Variants in PDGFC observed in about 807,000 individuals in gnomAD.
PDGFC encodes the protein platelet-derived growth factor C.
PDGFC carries 12 observed loss-of-function variants against 35.5 expected under a neutral mutation model. The ratio of observed to expected loss-of-function variants is 0.34; its 90% CI spans 0.22 to 0.55. The LOEUF is 0.55. Ranked by LOEUF, PDGFC falls within the 20% of genes least tolerant of loss-of-function variation. The pLI is 0.91. For missense variants in PDGFC, 322 were observed against 412.4 expected (o/e 0.78, Z 1.90); for synonymous variants, 159 against 148.8 (o/e 1.07, Z -0.50).
At chr4:156,815,943 G>C (rs889690563) in intron 2 of PDGFC, among the ~76,000 whole-genome samples, 1 of 152,114 alleles carries the variant, frequency 6.6e-6, no homozygotes, top group Non-Finnish European at 1.5e-5. Flanking sequence ...GACCTGTGGA[G>C]GATTTACGTT....
chr4:156,944,475 GAAAAAT>G (rs1239710592), intron 1 of PDGFC, among the ~76,000 whole-genome samples: 1 of 152,040 alleles, frequency 6.6e-6, no homozygotes, highest in Non-Finnish European at 1.5e-5. Context: ...GATTAAAAAT[GAAAAAT>G]AAAATCCATC....
At chr4:156,950,464 A>G (rs1249451426) in intron 1 of PDGFC, among the ~76,000 whole-genome samples, 2 of 151,840 alleles carry the variant, frequency 1.3e-5, no homozygotes, top group Non-Finnish European at 2.9e-5. Context: ...CTCCTCCACA[A>G]TTTATCACCA....
intron 2 of PDGFC, among the ~76,000 whole-genome samples, chr4:156,840,278 G>T (rs1437364475): frequency 6.6e-6 from 1 of 152,192 alleles, no homozygotes; most frequent in Non-Finnish European, 1.5e-5. Context: ...TAGGGACTTA[G>T]TGCCCTGAAT....
At chr4:156,887,518 C>T (rs1229050710) in intron 1 of PDGFC, among the ~76,000 whole-genome samples, 4 of 151,918 alleles carry the variant, frequency 2.6e-5, no homozygotes, top group African/African-American at 4.8e-5. Context: ...CAAAAGTAAT[C>T]GTATCATTCC....
intron 3 of PDGFC, chr4:156,779,298 A>ATGCT (rs1730916800): frequency 7.0e-6 from 3 of 429,374 alleles, no homozygotes; most frequent in Non-Finnish European, 4.7e-6. Flanking sequence ...TGAAAAGCAA[A>ATGCT]TGCTTGCATT....
intron 1 of PDGFC, among the ~76,000 whole-genome samples, chr4:156,950,777 G>A (rs1322562454): frequency 6.6e-6 from 1 of 151,506 alleles, no homozygotes; most frequent in Non-Finnish European, 1.5e-5. Flanking sequence ...GTTTATAATT[G>A]TTGAATTGCT....
chr4:156,861,521 C>T (rs528773238), intron 1 of PDGFC: 1 of 887,180 alleles, frequency 1.1e-6, no homozygotes. Context: ...AAAATTGAGT[C>T]TTTTGGTGAC....
intron 1 of PDGFC, among the ~76,000 whole-genome samples, chr4:156,852,599 C>T (rs2111089610): frequency 6.6e-6 from 1 of 152,238 alleles, no homozygotes; most frequent in East Asian, 1.9e-4. Flanking sequence ...TGTCCCTCAT[C>T]CTTTCATAAT....
intron 1 of PDGFC, among the ~76,000 whole-genome samples, chr4:156,957,076 C>A (rs528421608): frequency 1.6e-4 from 25 of 152,028 alleles, no homozygotes; most frequent in Admixed American, 1.6e-3. Flanking sequence ...TACTTCCCTA[C>A]CAAATAAGCT....
intron 1 of PDGFC, among the ~76,000 whole-genome samples, chr4:156,858,032 C>G (rs180936803): frequency 4.1e-4 from 63 of 152,174 alleles, no homozygotes; most frequent in Middle Eastern, 3.4e-3. Context: ...TCTATACTTA[C>G]AGCCAAAATA....
chr4:156,960,671 C>A (rs1294873393), intron 1 of PDGFC, among the ~76,000 whole-genome samples: 2 of 151,970 alleles, frequency 1.3e-5, no homozygotes, highest in Non-Finnish European at 2.9e-5. Context: ...CTCTAGGACA[C>A]CCCATCTCAG....
At chr4:156,927,547 T>C (rs928095052) in intron 1 of PDGFC, among the ~76,000 whole-genome samples, 1 of 152,260 alleles carries the variant, frequency 6.6e-6, no homozygotes, top group South Asian at 2.1e-4. Flanking sequence ...AAGTTCAAAG[T>C]TGCACGAATC....
intron 1 of PDGFC, among the ~76,000 whole-genome samples, chr4:156,896,158 G>A (rs1730629146): frequency 1.3e-5 from 2 of 152,036 alleles, no homozygotes; most frequent in South Asian, 4.1e-4. Flanking sequence ...ACATAATTCA[G>A]AAACATATAG....
chr4:156,773,642 C>A (rs1730745994), intron 3 of PDGFC: 1 of 152,048 alleles, frequency 6.6e-6, no homozygotes, highest in Admixed American at 6.6e-5. Flanking sequence ...ACTTCATTAT[C>A]AGAGAAATCC....
chr4:156,940,666 G>A (rs1360277664), intron 1 of PDGFC, among the ~76,000 whole-genome samples: 1 of 152,082 alleles, frequency 6.6e-6, no homozygotes, highest in Non-Finnish European at 1.5e-5. Flanking sequence ...ATATCCTTTT[G>A]TGGGTCTGTA....
chr4:156,971,192 G>A lies in PDGFC; in HGVS notation c.-289C>T, dbSNP rs1169170442. The A allele has an allele frequency of 2.3e-5, 9 of 397,964 alleles. No individual in the cohort carries two copies. The highest frequency in any genetic ancestry group is 4.0e-5 in the Non-Finnish European group (9 of 223,176). The allele number at this position is 397,964 out of a possible 1,614,324, so 24.7% of individuals were successfully genotyped here. ...CTGTGGCGAAGTGGTGGGGGTGGGGGTGAAGGCGAGGGAGGAATGAGGGGG... is the reference window on the plus strand; with the variant it reads ...CTGTGGCGAAGTGGTGGGGGTGGGGATGAAGGCGAGGGAGGAATGAGGGGG... On this transcript the variant is annotated 5_prime_UTR_variant, in exon 1 of 6. Transcript: ENST00000502773.
rs184715419 is a variant in PDGFC, at chr4:156,877,056, T to C, written c.119-26640A>G. Among the ~76,000 whole-genome samples, 3 of 152,200 alleles carry C rather than the reference T, an allele frequency of 2.0e-5. No individual in the cohort carries two copies. In the East Asian group the frequency reaches 5.8e-4, roughly 29 times the overall value. ...AATTAAAACTTTCAACACCACTAAA[T>C]GATATAGCTTCTACACACCTTTCTG... On this transcript the variant is annotated intron_variant, in intron 1 of 5. Transcript: ENST00000502773.
At chr4:156,969,799 C>A (rs573822262) in intron 1 of PDGFC, among the ~76,000 whole-genome samples, 29 of 152,264 alleles carry the variant, frequency 1.9e-4, no homozygotes, top group African/African-American at 7.0e-4. Context: ...GTAAGAGCCA[C>A]CATTTGTAAA....
At chr4:156,849,705 G>A (rs968302117) in intron 2 of PDGFC, among the ~76,000 whole-genome samples, 2 of 152,050 alleles carry the variant, frequency 1.3e-5, no homozygotes, top group Non-Finnish European at 2.9e-5. Context: ...ATCTAATGCT[G>A]CTTTCTGAAC....
Sources: gnomAD v4.1 joint callset for allele counts (sites outside exome capture counted in the v4.1 genomes callset) on GRCh38, gnomAD v4.1.1 for gene constraint, MANE v1.5 for transcripts, NCBI Gene and HGNC (gene_info 2026-07-23, HGNC 2026-07-21) for gene names.